CDH11: variants seen among roughly 807,000 people sequenced by gnomAD.
CDH11 encodes the protein cadherin-11.
In CDH11, 11 loss-of-function variants were observed where a neutral mutation model predicts 67.8. The observed-to-expected ratio is 0.16, with a 90% CI of 0.10 to 0.27. The LOEUF is 0.27. Among genes scored for constraint, CDH11 ranks in the 10% least tolerant of loss-of-function variants. CDH11 has a pLI of 1.00. For synonymous variants in CDH11, 419 were observed against 400.0 expected (o/e 1.05, Z -0.57); for missense variants, 847 against 1,031.2 (o/e 0.82, Z 2.45).
intron 11 of CDH11, among the ~76,000 whole-genome samples, chr16:64,960,866 TATTG>T (rs1885164597): frequency 6.6e-6 from 1 of 151,966 alleles, no homozygotes; most frequent in African/African-American, 2.4e-5. Context: ...CCAGTTTGTT[TATTG>T]AGGGCTGAGT....
chr16:65,032,900 C>A (rs958206040), intron 2 of CDH11, among the ~76,000 whole-genome samples: 2 of 152,154 alleles, frequency 1.3e-5, no homozygotes, highest in African/African-American at 2.4e-5. Flanking sequence ...CAATAAGAAG[C>A]CTGGGACAAA....
Position 64,946,313 on chromosome 16 carries a change from C to A in CDH11, c.*1290G>T. 1 of 1,044,490 alleles carries A rather than the reference C, an allele frequency of 9.6e-7. No homozygotes were observed. Among genetic ancestry groups the A allele is most frequent in the Non-Finnish European group, 1.2e-6 (1 of 866,136 alleles). 64.7% of individuals were successfully genotyped at this position (1,044,490 alleles called of 1,614,324 possible). On this transcript the variant is annotated 3_prime_UTR_variant, in exon 13 of 13. Transcript: ENST00000268603. ...AAATAGAATAACATTAGAGTCTGGG[C>A]AAATTTATATTTTTGACTCTAGTCC...
At chr16:65,027,440 T>A (rs2073556637) in intron 2 of CDH11, among the ~76,000 whole-genome samples, 1 of 152,184 alleles carries the variant, frequency 6.6e-6, no homozygotes, top group South Asian at 2.1e-4. Context: ...CCAAAGAGAT[T>A]TACCAGCAGG....
chr16:64,945,306 AAAAAAAAAAAAAAG>A lies in CDH11; in HGVS notation c.*2283_*2296del. 2 of 562,066 alleles carry A rather than the reference AAAAAAAAAAAAAAG, an allele frequency of 3.6e-6. No individual in the cohort carries two copies. The highest frequency in any genetic ancestry group is 4.6e-6 in the Non-Finnish European group (2 of 434,638). The allele number at this position is 562,066 out of a possible 1,614,324, so 34.8% of individuals were successfully genotyped here. Reference sequence around the variant, plus strand: ...CTTAACGAAAAAATAAAAGGTAAAAAAAAAAAAAAAAAAGAAAAAGAAAAACAAGTATTCTTAAC... The same window carrying A: ...CTTAACGAAAAAATAAAAGGTAAAAAAAAAAGAAAAACAAGTATTCTTAAC... On this transcript the variant is annotated 3_prime_UTR_variant, in exon 13 of 13. Coordinates refer to ENST00000268603, the MANE Select transcript of CDH11 (RefSeq NM_001797.4).
intron 11 of CDH11, among the ~76,000 whole-genome samples, chr16:64,967,479 C>T (rs1235399724): frequency 6.6e-6 from 1 of 152,082 alleles, no homozygotes. Flanking sequence ...CTCAGCCTTC[C>T]AAAACACTAT....
At chr16:65,070,161 G>C (rs532129190) in intron 1 of CDH11, among the ~76,000 whole-genome samples, 1 of 152,280 alleles carries the variant, frequency 6.6e-6, no homozygotes, top group Non-Finnish European at 1.5e-5. Flanking sequence ...AGGTAAGTAA[G>C]TTTAATATCT....
intron 2 of CDH11, among the ~76,000 whole-genome samples, chr16:65,033,271 CAT>C (rs1491191579): frequency 0.091 from 10,018 of 110,576 alleles, 414 homozygotes; most frequent in East Asian, 0.31. Flanking sequence ...CACACACACA[CAT>C]ACAGATTTTG....
At chr16:64,968,199 T>C (rs1485244091) in intron 11 of CDH11, among the ~76,000 whole-genome samples, 4 of 152,198 alleles carry the variant, frequency 2.6e-5, no homozygotes, top group Non-Finnish European at 4.4e-5. Flanking sequence ...TGTCTCATAT[T>C]CTTTCTTTAT....
At chr16:64,948,541 G>T in intron 12 of CDH11, 2 of 1,307,922 alleles carry the variant, frequency 1.5e-6, no homozygotes. Context: ...TATAGGGGGT[G>T]ATGGCTAGCT....
intron 1 of CDH11, among the ~76,000 whole-genome samples, chr16:65,106,305 T>C (rs560197993): frequency 3.1e-4 from 47 of 152,310 alleles, no homozygotes; most frequent in Non-Finnish European, 5.9e-4. Context: ...GTATAGGGTT[T>C]GACCTGGTGG....
rs1055538395 is a variant in CDH11, at chr16:65,013,826, CA to C, written c.-172-8786del. Among the ~76,000 whole-genome samples, 232 of 126,542 alleles carry C rather than the reference CA, an allele frequency of 1.8e-3. 1 individual carries two copies. Among genetic ancestry groups the C allele is most frequent in the Middle Eastern group, 4.1e-3 (1 of 242 alleles). The allele number at this position is 126,542 out of a possible 152,430, so 83.0% of individuals were successfully genotyped here. ...TGGGCAACAGAGCAAGACTCCATCT[CA>C]AAAAAAAAAAGAAAGAAAAAGGGAA... On this transcript the variant is annotated intron_variant, in intron 2 of 12. Coordinates refer to ENST00000268603, the MANE Select transcript of CDH11 (RefSeq NM_001797.4).
chr16:65,001,797 C>T (rs886096334), intron 3 of CDH11, among the ~76,000 whole-genome samples: 34 of 132,412 alleles, frequency 2.6e-4, no homozygotes, highest in Admixed American at 1.6e-3. Context: ...CACACACACA[C>T]ATTAAAAAAA....
chr16:65,034,964 A>T (rs1369416949), intron 2 of CDH11, among the ~76,000 whole-genome samples: 1 of 152,188 alleles, frequency 6.6e-6, no homozygotes, highest in East Asian at 1.9e-4. Flanking sequence ...CCCTCGAGTT[A>T]TCAAGAGGAG....
chr16:64,955,997 C>T (rs1490733800), intron 11 of CDH11, among the ~76,000 whole-genome samples: 1 of 152,080 alleles, frequency 6.6e-6, no homozygotes, highest in Admixed American at 6.5e-5. Context: ...GGACATATTT[C>T]CAGGAAAGTG....
At chr16:65,092,198 A>G (rs1398275487) in intron 1 of CDH11, among the ~76,000 whole-genome samples, 3 of 152,188 alleles carry the variant, frequency 2.0e-5, no homozygotes, top group Non-Finnish European at 4.4e-5. Flanking sequence ...AAAGCTGAAA[A>G]GTCTCTTAGA....
At chr16:65,033,402 T>C (rs906426538) in intron 2 of CDH11, among the ~76,000 whole-genome samples, 4 of 152,216 alleles carry the variant, frequency 2.6e-5, no homozygotes. Context: ...TGAAGCTACA[T>C]TCATTTTCCC....
rs1410062821 is a variant in CDH11 at position 64,947,327 on chromosome 16, G to A, written c.*276C>T. The A allele has an allele frequency of 1.6e-6, 2 of 1,225,002 alleles. No homozygotes were observed. Among genetic ancestry groups the A allele is most frequent in the African/African-American group, 1.5e-5 (1 of 65,950 alleles). The allele number at this position is 1,225,002 out of a possible 1,614,324, so 75.9% of individuals were successfully genotyped here. ...TCCCTTCATTGTCAGTTCAGCGTTA[G>A]ACTTCTCCTTCACTTAAATATTTTG... On this transcript the variant is annotated 3_prime_UTR_variant, in exon 13 of 13. Coordinates refer to ENST00000268603, the MANE Select transcript of CDH11 (RefSeq NM_001797.4).
At chr16:65,040,960 T>TA (rs1350378063) in intron 2 of CDH11, among the ~76,000 whole-genome samples, 1 of 152,194 alleles carries the variant, frequency 6.6e-6, no homozygotes. Flanking sequence ...ACACTTTCAT[T>TA]ACTCCCCAGA....
At chr16:65,037,999 T>C (rs1281055963) in intron 2 of CDH11, among the ~76,000 whole-genome samples, 2 of 152,164 alleles carry the variant, frequency 1.3e-5, no homozygotes, top group African/African-American at 4.8e-5. Context: ...TCTTTTTTTT[T>C]CTTTTTTAAT....
Sources: allele counts gnomAD v4.1 joint callset (sites outside exome capture counted in the v4.1 genomes callset), GRCh38; gene constraint gnomAD v4.1.1; transcripts MANE v1.5; gene names NCBI Gene and HGNC (gene_info 2026-07-23, HGNC 2026-07-21).